PPP2R5A: variants seen among roughly 807,000 people sequenced by gnomAD.
PPP2R5A encodes serine/threonine-protein phosphatase 2A 56 kDa regulatory subunit alpha isoform.
PPP2R5A carries 25 observed loss-of-function variants against 64.2 expected under a neutral mutation model. The observed-to-expected ratio is 0.39, with a 90% confidence interval of 0.28 to 0.54. The LOEUF is 0.54. Ranked by LOEUF, PPP2R5A falls within the 20% of genes least tolerant of loss-of-function variation. The probability of loss-of-function intolerance (pLI) is 0.67; values close to 1 mark genes in which losing one functional copy is unlikely to be tolerated. For missense variants in PPP2R5A, 425 were observed against 576.3 expected, an observed-to-expected ratio of 0.74 and a Z score of 2.69; for synonymous variants, 198 against 201.2, an observed-to-expected ratio of 0.98 and a Z score of 0.13.
At chr1:212,344,247 T>TA (rs1659735998) in intron 4 of PPP2R5A, among the ~76,000 whole-genome samples, 1 of 152,250 alleles carries the variant, frequency 6.6e-6, no homozygotes, top group Non-Finnish European at 1.5e-5. Flanking sequence ...GTGCTGGGAT[T>TA]ACAGTTGAGA....
At position 212,304,498 on chromosome 1, in the gene PPP2R5A, G is replaced by A. The variant is rs1219458514; in HGVS notation, c.181+18207G>A. Among the ~76,000 whole-genome samples, 4 of 151,912 alleles carry A rather than the reference G, an allele frequency of 2.6e-5. No homozygotes were observed. In the South Asian group the frequency reaches 6.2e-4, roughly 24 times the overall value. ...TGGGAGGAGGAGGTTGTGGTGAGCC[G>A]AGATCACGCCATTACACTCCAGCCT... On this transcript the variant is annotated intron_variant, in intron 1 of 12. Coordinates refer to ENST00000261461, the MANE Select transcript of PPP2R5A (RefSeq NM_006243.4).
chr1:212,334,176 G>A (rs1659553360), intron 3 of PPP2R5A, among the ~76,000 whole-genome samples: 1 of 152,166 alleles, frequency 6.6e-6, no homozygotes, highest in South Asian at 2.1e-4. Flanking sequence ...CTTACCAGTT[G>A]ATGGACATTT....
chr1:212,360,782 C>G lies in PPP2R5A; in HGVS notation c.*12C>G. 6.6e-7 allele frequency: 1 copy of G among 1,509,368 alleles called. No individual in the cohort carries two copies. Among genetic ancestry groups the G allele is most frequent in the South Asian group, 1.4e-5 (1 of 73,274 alleles). 93.5% of individuals were successfully genotyped at this position (1,509,368 alleles called of 1,614,324 possible). ...CAAGTGCCGAATAAAAAAAAAGCCT[C>G]CCACCTCTGCCGGATAGGCAGAGTT... On this transcript the variant is annotated 3_prime_UTR_variant, in exon 13 of 13. Transcript: ENST00000261461.
intron 8 of PPP2R5A, among the ~76,000 whole-genome samples, chr1:212,352,209 A>G (rs1055303520): frequency 2.7e-5 from 4 of 150,570 alleles, no homozygotes; most frequent in African/African-American, 9.8e-5. Context: ...TTGTATTTTT[A>G]GTAGAGATGG....
At chr1:212,343,141 C>T (rs538733783) in intron 4 of PPP2R5A, among the ~76,000 whole-genome samples, 16 of 151,934 alleles carry the variant, frequency 1.1e-4, no homozygotes, top group Non-Finnish European at 1.9e-4. Context: ...CTAGTAGAGA[C>T]GGGGTTTCAC....
At chr1:212,320,578 AC>A (rs375160494) in intron 1 of PPP2R5A, among the ~76,000 whole-genome samples, 2 of 134,224 alleles carry the variant, frequency 1.5e-5, no homozygotes, top group Admixed American at 7.3e-5. Context: ...CGGGGGGCTG[AC>A]CCCCCCGCCT....
intron 1 of PPP2R5A, among the ~76,000 whole-genome samples, chr1:212,311,439 C>G (rs1571584239): frequency 1.3e-5 from 2 of 151,298 alleles, no homozygotes; most frequent in Admixed American, 1.3e-4. Flanking sequence ...GCACTCCAGC[C>G]TGGGCGACAG....
At chr1:212,286,500 A>T (rs1658505478) in intron 1 of PPP2R5A, among the ~76,000 whole-genome samples, 1 of 152,040 alleles carries the variant, frequency 6.6e-6, no homozygotes, top group Non-Finnish European at 1.5e-5. Flanking sequence ...TTTCCTTCTA[A>T]TTCCCACCTG....
At chr1:212,318,284 C>T (rs1659197313) in intron 1 of PPP2R5A, among the ~76,000 whole-genome samples, 1 of 143,048 alleles carries the variant, frequency 7.0e-6, no homozygotes, top group Admixed American at 7.1e-5. Context: ...CAAAGCAAGG[C>T]ATATCTGTTT....
chr1:212,337,782 T>C (rs1468537130), intron 3 of PPP2R5A, among the ~76,000 whole-genome samples: 4 of 152,190 alleles, frequency 2.6e-5, no homozygotes, highest in Non-Finnish European at 5.9e-5. Flanking sequence ...ATGCACAATC[T>C]GTGTTTTCAC....
intron 1 of PPP2R5A, among the ~76,000 whole-genome samples, chr1:212,321,278 G>A (rs534270583): frequency 4.9e-5 from 7 of 143,766 alleles, no homozygotes; most frequent in African/African-American, 1.6e-4. Flanking sequence ...GGGCAGAGGC[G>A]CCCCTCACCT....
chr1:212,286,943 A>G (rs1225556327), intron 1 of PPP2R5A, among the ~76,000 whole-genome samples: 1 of 152,236 alleles, frequency 6.6e-6, no homozygotes, highest in Non-Finnish European at 1.5e-5. Context: ...TAGCTCAAGG[A>G]ATAGATTTAA....
intron 1 of PPP2R5A, among the ~76,000 whole-genome samples, chr1:212,311,821 T>C (rs1659039323): frequency 6.6e-6 from 1 of 152,206 alleles, no homozygotes; most frequent in East Asian, 1.9e-4. Flanking sequence ...TTTATACAGC[T>C]GTACAGTGTG....
chr1:212,289,511 A>G (rs1401005642), intron 1 of PPP2R5A, among the ~76,000 whole-genome samples: 1 of 152,178 alleles, frequency 6.6e-6, no homozygotes, highest in Non-Finnish European at 1.5e-5. Context: ...AAATGATTTC[A>G]GTATTTGTGC....
At position 212,345,112 on chromosome 1, in the gene PPP2R5A, T is replaced by A. The variant is rs543631571; in HGVS notation, c.574-691T>A. Among the ~76,000 whole-genome samples the A allele has an allele frequency of 1.5e-4, 22 of 150,498 alleles. No homozygotes were observed. In the East Asian group the frequency reaches 4.3e-3, roughly 30 times the overall value. On this transcript the variant is annotated intron_variant, in intron 4 of 12. Transcript: ENST00000261461. ...CCCAGGAGGTCGAGGCTGCAGTGAGTTGTGATTGCATCACTACCCTCCAGT... is the reference window on the plus strand; with the variant it reads ...CCCAGGAGGTCGAGGCTGCAGTGAGATGTGATTGCATCACTACCCTCCAGT...
intron 1 of PPP2R5A, among the ~76,000 whole-genome samples, chr1:212,322,126 G>A (rs985771414): frequency 2.6e-5 from 4 of 151,328 alleles, no homozygotes; most frequent in Non-Finnish European, 5.9e-5. Flanking sequence ...GCAGTGAGCC[G>A]AGATGGCAGC....
intron 8 of PPP2R5A, among the ~76,000 whole-genome samples, chr1:212,349,585 C>T (rs560689237): frequency 9.9e-5 from 15 of 152,202 alleles, no homozygotes; most frequent in African/African-American, 3.6e-4. Context: ...AAGCATACTT[C>T]GAGGGTCCCA....
intron 3 of PPP2R5A, among the ~76,000 whole-genome samples, chr1:212,339,336 T>G (rs1304564499): frequency 6.6e-6 from 1 of 151,982 alleles, no homozygotes; most frequent in African/African-American, 2.4e-5. Context: ...CACCACCATG[T>G]CTGGCTAATT....
At chr1:212,322,234 GAGAGGGAGAGGA>G (rs1659316198) in intron 1 of PPP2R5A, among the ~76,000 whole-genome samples, 1 of 140,116 alleles carries the variant, frequency 7.1e-6, no homozygotes, top group African/African-American at 2.8e-5. Flanking sequence ...GAGGGAGAGG[GAGAGGGAGAGGA>G]GGGAGAGGGA....
Sources: allele counts gnomAD v4.1 joint callset (sites outside exome capture counted in the v4.1 genomes callset), GRCh38; gene constraint gnomAD v4.1.1; transcripts MANE v1.5; gene names NCBI Gene and HGNC (gene_info 2026-07-23, HGNC 2026-07-21).